The following TXNRD2 variants were observed in gnomAD, a reference collection of about 807,000 sequenced individuals.
TXNRD2 encodes the protein thioredoxin reductase 2, mitochondrial.
TXNRD2 carries 67 observed loss-of-function variants against 70.8 expected under a neutral mutation model. The ratio of observed to expected loss-of-function variants is 0.95; its 90% CI spans 0.78 to 1.16. The LOEUF (loss-of-function observed/expected upper bound fraction) is 1.16. TXNRD2 is among the 50% of genes most tolerant of loss of function. The pLI, the probability that TXNRD2 is intolerant of heterozygous loss-of-function variation, is 0.00. For synonymous variants in TXNRD2, 301 were observed against 295.8 expected (o/e 1.02, Z -0.18); for missense variants, 644 against 719.9 (o/e 0.89, Z 1.21).
intron 2 of TXNRD2, among the ~76,000 whole-genome samples, chr22:19,930,108 C>A (rs1941302900): frequency 6.6e-6 from 1 of 152,180 alleles, no homozygotes; most frequent in Admixed American, 6.5e-5. Flanking sequence ...TGGCACTGAT[C>A]CTGGGTGCCT....
chr22:19,877,915 C>T (rs1938581459), intron 16 of TXNRD2, among the ~76,000 whole-genome samples, 175 bp downstream of exon 16: 1 of 152,166 alleles, frequency 6.6e-6, no homozygotes, highest in African/African-American at 2.4e-5. Context: ...GCAGAACCGC[C>T]TCTTGTCCCC....
intron 7 of TXNRD2, chr22:19,914,801 G>A (rs73880011): frequency 0.035 from 10,055 of 287,136 alleles, 277 homozygotes; most frequent in South Asian, 0.076. Context: ...ATTTTATAGC[G>A]TGTGAATTTT....
At chr22:19,885,262 G>A (rs1284488789) in intron 11 of TXNRD2, among the ~76,000 whole-genome samples, 2 of 152,230 alleles carry the variant, frequency 1.3e-5, no homozygotes, top group Middle Eastern at 3.2e-3. Context: ...CACCAATGGC[G>A]AAGGCAATTT....
At chr22:19,924,746 T>C (rs1941055347) in intron 2 of TXNRD2, among the ~76,000 whole-genome samples, 2 of 152,012 alleles carry the variant, frequency 1.3e-5, no homozygotes, top group African/African-American at 4.8e-5. Flanking sequence ...GTAAGAAATG[T>C]TTCTAATGAA....
intron 8 of TXNRD2, among the ~76,000 whole-genome samples, chr22:19,908,891 A>G (rs1480106535): frequency 6.6e-6 from 1 of 152,208 alleles, no homozygotes; most frequent in East Asian, 1.9e-4. Context: ...ATTTAATACC[A>G]TTGAACTGTA....
At position 19,931,477 on chromosome 22, in the gene TXNRD2, G is replaced by C. The variant is rs570979374; in HGVS notation, c.104-379C>G. 1.5e-3 allele frequency among the ~76,000 whole-genome samples: 234 copies of C among 152,208 alleles called. 2 individuals carry two copies. The highest frequency in any genetic ancestry group is 3.0e-3 in the Non-Finnish European group (201 of 67,992). ...AGATTGTAGTCCACTGCCCTGCTTG[G>C]GGGAGGGATGAAAGGTGAGAAGGAA... On this transcript the variant is annotated intron_variant, in intron 1 of 17. Coordinates refer to ENST00000400521, the MANE Select transcript of TXNRD2 (RefSeq NM_006440.5).
chr22:19,931,147 T>C, intron 1 of TXNRD2, 49 bp from the exon 2 acceptor site: 1 of 1,559,976 alleles, frequency 6.4e-7, no homozygotes, highest in Non-Finnish European at 8.8e-7. Context: ...TGGTTAAACG[T>C]GGTACAGGAT....
At chr22:19,909,798 TCACACACACC>T (rs1940284178) in intron 8 of TXNRD2, among the ~76,000 whole-genome samples, 2 of 31,196 alleles carry the variant, frequency 6.4e-5, no homozygotes, top group African/African-American at 2.7e-4. Context: ...CACACACCAC[TCACACACACC>T]ACTCACACAC....
chr22:19,879,624 G>A (rs1439543284), intron 14 of TXNRD2, among the ~76,000 whole-genome samples: 5 of 151,484 alleles, frequency 3.3e-5, no homozygotes, highest in Non-Finnish European at 7.4e-5. Flanking sequence ...GTGGTGGGGG[G>A]GGTGGGGGTG....
intron 8 of TXNRD2, among the ~76,000 whole-genome samples, chr22:19,909,600 C>CCAT (rs1940241822): frequency 2.1e-5 from 1 of 46,862 alleles, no homozygotes; most frequent in African/African-American, 9.8e-5. Flanking sequence ...ACACACACCA[C>CCAT]TCACACACAC....
At position 19,877,102 on chromosome 22, in the gene TXNRD2, C is replaced by A. The variant is rs554627343; in HGVS notation, c.*3G>T. The A allele has an allele frequency of 1.3e-6, 2 of 1,595,818 alleles. No individual in the cohort carries two copies. Among genetic ancestry groups the A allele is most frequent in the Non-Finnish European group, 8.6e-7 (1 of 1,166,518 alleles). ...CGTGTGCCCTGGCCTGCAGGGATGG[C>A]GCTTACCCTCAGCAGCCTGTCACCG... On this transcript the variant is annotated 3_prime_UTR_variant, in exon 17 of 18. Transcript: ENST00000400521.
chr22:19,880,307 G>T, intron 13 of TXNRD2, 36 bp from the exon 14 acceptor site: 4 of 1,606,572 alleles, frequency 2.5e-6, no homozygotes, highest in Non-Finnish European at 3.4e-6. Flanking sequence ...GGGCCCTTGG[G>T]CCCCGAAAAC....
chr22:19,880,496 C>T (rs755081392), intron 13 of TXNRD2, 126 bp downstream of exon 13: 23 of 914,286 alleles, frequency 2.5e-5, no homozygotes, highest in Admixed American at 1.2e-4. Flanking sequence ...CCCACATAAG[C>T]GCACACACAC....
intron 2 of TXNRD2, among the ~76,000 whole-genome samples, chr22:19,923,104 T>C (rs1024663841): frequency 6.6e-6 from 1 of 152,220 alleles, no homozygotes; most frequent in African/African-American, 2.4e-5. Context: ...ATGTATTGCC[T>C]TCCCAAGTGG....
intron 2 of TXNRD2, among the ~76,000 whole-genome samples, chr22:19,921,653 G>A (rs1940921323): frequency 6.6e-6 from 1 of 152,186 alleles, no homozygotes. Context: ...GGGGAAGATG[G>A]GGAGAATCCA....
At chr22:19,930,750 A>G (rs1941327116) in intron 2 of TXNRD2, among the ~76,000 whole-genome samples, 1 of 152,142 alleles carries the variant, frequency 6.6e-6, no homozygotes, top group Non-Finnish European at 1.5e-5. Flanking sequence ...GAGTGGTGGG[A>G]GCTGAGACTA....
intron 10 of TXNRD2, among the ~76,000 whole-genome samples, chr22:19,897,483 G>A (rs958028819): frequency 5.9e-5 from 9 of 152,174 alleles, no homozygotes; most frequent in African/African-American, 2.2e-4. Flanking sequence ...CAATCTAGGA[G>A]CTCGTCCTGC....
Position 19,911,441 on chromosome 22 carries a change from CT to C in TXNRD2, c.597del (p.Gly200ValfsTer15). 2.5e-6 allele frequency: 4 copies of C among 1,613,710 alleles called. No individual in the cohort carries two copies. Among genetic ancestry groups the C allele is most frequent in the Non-Finnish European group, 3.4e-6 (4 of 1,179,704 alleles). The stretch of plus-strand genomic sequence containing the variant: ...CTTGTGATTCCATATTCCAAGGCAC[CT>C]TCGATCTGTCAAGACAGAAATGACC... ...GGRPRYPTHI[E>X]GALEYGITSD... is the part of the protein sequence containing the mutation. On this transcript the variant is annotated frameshift_variant, in exon 8 of 18. Coordinates refer to ENST00000400521, the MANE Select transcript of TXNRD2 (RefSeq NM_006440.5). LOFTEE classifies it high-confidence loss of function.
At chr22:19,909,831 A>T (rs1601437191) in intron 8 of TXNRD2, among the ~76,000 whole-genome samples, 1 of 59,474 alleles carries the variant, frequency 1.7e-5, no homozygotes, top group African/African-American at 8.2e-5. Flanking sequence ...ACCACACACC[A>T]CACACACCCA....
Sources: gnomAD v4.1 joint callset for allele counts (sites outside exome capture counted in the v4.1 genomes callset) on GRCh38, gnomAD v4.1.1 for gene constraint, MANE v1.5 for transcripts, NCBI Gene and HGNC (gene_info 2026-07-23, HGNC 2026-07-21) for gene names.